MAP3K21: variants seen among roughly 807,000 people sequenced by gnomAD.
The protein encoded by MAP3K21 is mitogen-activated protein kinase kinase kinase 21.
A neutral mutation model predicts 86.1 loss-of-function variants in MAP3K21; 63 were observed. That is an observed-to-expected ratio of 0.73 (90% CI 0.60 to 0.90). The LOEUF (loss-of-function observed/expected upper bound fraction) is 0.90, where lower values mean the gene tolerates loss of function less well. MAP3K21 is among the 40% of genes least tolerant of loss of function. The pLI is 0.00. For missense variants in MAP3K21, 1,220 were observed against 1,367.7 expected (o/e 0.89, Z 1.70); for synonymous variants, 558 against 564.8 (o/e 0.99, Z 0.17).
chr1:233,348,528 A>G (rs570224781), intron 2 of MAP3K21, among the ~76,000 whole-genome samples: 1 of 152,162 alleles, frequency 6.6e-6, no homozygotes, highest in African/African-American at 2.4e-5. Context: ...TTGCTTGGCC[A>G]TATGGTAATT....
At chr1:233,369,599 A>G (rs10910137) in intron 5 of MAP3K21, among the ~76,000 whole-genome samples, 52,218 of 152,020 alleles carry the variant, frequency 0.34, 9,485 homozygotes, top group East Asian at 0.51. Context: ...CCATGAGCTC[A>G]GAATGGTTTT....
At chr1:233,371,947 A>T in intron 5 of MAP3K21, 91 bp from the exon 6 acceptor site, 1 of 1,334,614 alleles carries the variant, frequency 7.5e-7, no homozygotes, top group East Asian at 2.4e-5. Flanking sequence ...GGGTCTGACC[A>T]TTTTTGTTTT....
chr1:233,375,265 A>C (rs1241544368), intron 6 of MAP3K21, among the ~76,000 whole-genome samples: 1 of 152,140 alleles, frequency 6.6e-6, no homozygotes, highest in African/African-American at 2.4e-5. Context: ...AAGTGCACTT[A>C]AATTAGAGGG....
In MAP3K21 at chr1:233,362,102, A is replaced by G. The variant is rs1323109644; in HGVS notation, c.1361A>G (p.Lys454Arg). ...EELTRAALQQ[K>R]SQEELLKRRE... ...CTGACTCGGGCGGCTCTGCAGCAGA[A>G]GTCTCAGGAGGAGCTGCTAAAGCGG... Residue 454 changes from lysine (K) to arginine (R), a missense_variant, in exon 5 of 10, where the codon AAG becomes AGG. Physicochemically the swap from Lys to Arg is conservative, Grantham distance 26. Transcript: ENST00000366624. 1 of 1,613,656 alleles carries G rather than the reference A, an allele frequency of 6.2e-7. No individual in the cohort carries two copies. The highest frequency in any genetic ancestry group is 8.5e-7 in the Non-Finnish European group (1 of 1,179,860).
intron 5 of MAP3K21, among the ~76,000 whole-genome samples, chr1:233,367,216 G>A (rs1402712181): frequency 1.3e-5 from 2 of 152,210 alleles, no homozygotes; most frequent in African/African-American, 2.4e-5. Flanking sequence ...CTACCTCACA[G>A]GTATGCGAGT....
intron 1 of MAP3K21, among the ~76,000 whole-genome samples, chr1:233,329,054 A>T (rs895956681): frequency 2.6e-4 from 39 of 152,230 alleles, no homozygotes; most frequent in African/African-American, 8.4e-4. Flanking sequence ...GGTGCTTTTT[A>T]AAAAAGTTCA....
chr1:233,362,332 T>C, intron 5 of MAP3K21, 39 bp downstream of exon 5: 4 of 1,603,454 alleles, frequency 2.5e-6, no homozygotes, highest in Non-Finnish European at 3.4e-6. Context: ...GATTTTTGTG[T>C]GTCCTCCTTT....
At chr1:233,354,094 G>A (rs1160066723) in intron 3 of MAP3K21, 139 bp downstream of exon 3, 1 of 1,053,910 alleles carries the variant, frequency 9.5e-7, no homozygotes, top group Non-Finnish European at 1.3e-6. Flanking sequence ...TTAAGAATTG[G>A]AAACCTAGTC....
intron 8 of MAP3K21, among the ~76,000 whole-genome samples, chr1:233,377,439 T>G (rs1452309574): frequency 6.6e-6 from 1 of 152,222 alleles, no homozygotes; most frequent in Admixed American, 6.5e-5. Flanking sequence ...ACTCACTACC[T>G]GGGTTCAGCT....
At chr1:233,361,349 A>G (rs1663462703) in intron 4 of MAP3K21, among the ~76,000 whole-genome samples, 1 of 152,232 alleles carries the variant, frequency 6.6e-6, no homozygotes, top group Non-Finnish European at 1.5e-5. Context: ...TGAGATGTGT[A>G]ATGAAGTGAT....
At position 233,380,131 on chromosome 1, in the gene MAP3K21, T is replaced by C. The variant is rs139994436; in HGVS notation, c.2704+421T>C. On this transcript the variant is annotated intron_variant, in intron 9 of 9. Coordinates refer to ENST00000366624, the MANE Select transcript of MAP3K21 (RefSeq NM_032435.3). The stretch of plus-strand genomic sequence containing the variant: ...GTTCTGTTTCTGTTGGGACTGTGTG[T>C]AGCAGGTGATCAGCCTGCTAGGGCT... Among the ~76,000 whole-genome samples, 48 of 152,280 alleles carry C rather than the reference T, an allele frequency of 3.2e-4. No homozygotes were observed. The Middle Eastern group carries it at 0.01, about 32-fold the overall frequency.
At chr1:233,335,596 G>A (rs1294288) in intron 1 of MAP3K21, among the ~76,000 whole-genome samples, 118,253 of 151,966 alleles carry the variant, frequency 0.78, 46,272 homozygotes, top group East Asian at 0.99. Context: ...CATCAGAGGG[G>A]AGTGCTAAGA....
At chr1:233,331,427 T>C (rs902443230) in intron 1 of MAP3K21, among the ~76,000 whole-genome samples, 1 of 152,234 alleles carries the variant, frequency 6.6e-6, no homozygotes, top group Admixed American at 6.5e-5. Context: ...AATGTCTGAT[T>C]TTATTTGTTC....
intron 4 of MAP3K21, among the ~76,000 whole-genome samples, chr1:233,357,811 C>G (rs192570257): frequency 6.6e-6 from 1 of 152,306 alleles, no homozygotes; most frequent in East Asian, 1.9e-4. Flanking sequence ...TCCAGAGTTA[C>G]GCAGTAGGAC....
At chr1:233,367,123 G>A (rs1663591670) in intron 5 of MAP3K21, among the ~76,000 whole-genome samples, 1 of 152,114 alleles carries the variant, frequency 6.6e-6, no homozygotes, top group Non-Finnish European at 1.5e-5. Flanking sequence ...AAGCTTTAAA[G>A]CCTCCAAAAG....
chr1:233,332,000 C>T (rs1662815053), intron 1 of MAP3K21, among the ~76,000 whole-genome samples: 1 of 152,142 alleles, frequency 6.6e-6, no homozygotes, highest in South Asian at 2.1e-4. Context: ...TATAAGTCTA[C>T]CTATAGGCAC....
In MAP3K21 at chr1:233,370,794, T is replaced by A. The variant is rs151193965; in HGVS notation, c.1553-1244T>A. The stretch of plus-strand genomic sequence containing the variant: ...TAGATTGCTGGGTTAAACGCAGACC[T>A]GGTTGATGTCTAATATGGCAATGAA... On this transcript the variant is annotated intron_variant, in intron 5 of 9. Transcript: ENST00000366624. Among the ~76,000 whole-genome samples, 12 of 152,352 alleles carry A rather than the reference T, an allele frequency of 7.9e-5. No individual in the cohort carries two copies. The East Asian group carries it at 2.3e-3, about 29-fold the overall frequency.
rs143242397 is a variant in MAP3K21, at chr1:233,382,410, G to A, written c.2810G>A (p.Ser937Asn). ...LPREVSPKKH[S>N]TVHIVPQRRP... Reference sequence around the variant, plus strand: ...AGGGAGGTCTCACCCAAGAAGCACAGCACTGTCCACATCGTGCCTCAGCGT... The same window carrying A: ...AGGGAGGTCTCACCCAAGAAGCACAACACTGTCCACATCGTGCCTCAGCGT... Residue 937 changes from serine (S) to asparagine (N), a missense_variant, in exon 10 of 10, where the codon AGC becomes AAC. Physicochemically the swap from Ser to Asn is conservative, Grantham distance 46. Transcript: ENST00000366624. The A allele has an allele frequency of 3.0e-5, 49 of 1,614,004 alleles. 1 individual carries two copies. In the African/African-American group the frequency reaches 6.1e-4, roughly 20 times the overall value.
intron 4 of MAP3K21, among the ~76,000 whole-genome samples, chr1:233,361,397 T>C (rs761494520): frequency 5.2e-4 from 79 of 152,232 alleles, no homozygotes; most frequent in South Asian, 1.0e-3. Flanking sequence ...AAGTTCTTTG[T>C]ATACAGAATA....
Sources: allele counts gnomAD v4.1 joint callset (sites outside exome capture counted in the v4.1 genomes callset), GRCh38; gene constraint gnomAD v4.1.1; transcripts MANE v1.5; gene names NCBI Gene and HGNC (gene_info 2026-07-23, HGNC 2026-07-21).